FAM13A: variants seen among roughly 807,000 people sequenced by gnomAD.
FAM13A encodes protein FAM13A.
A neutral mutation model predicts 129.6 loss-of-function variants in FAM13A; 76 were observed. The observed-to-expected ratio is 0.59, with a 90% CI of 0.49 to 0.71. FAM13A has a LOEUF of 0.71. FAM13A is among the 30% of genes least tolerant of loss of function. The pLI is 0.00. For missense variants in FAM13A, 1,108 were observed against 1,249.3 expected (o/e 0.89, Z 1.70); for synonymous variants, 443 against 449.9 (o/e 0.98, Z 0.20).
intron 4 of FAM13A, among the ~76,000 whole-genome samples, chr4:88,978,912 G>T (rs995158357): frequency 3.9e-5 from 6 of 152,052 alleles, no homozygotes; most frequent in African/African-American, 1.4e-4. Flanking sequence ...TAAGCTCAGA[G>T]AAATATTTTC....
intron 2 of FAM13A, among the ~76,000 whole-genome samples, chr4:89,025,705 T>C (rs1301486176): frequency 6.6e-6 from 1 of 152,198 alleles, no homozygotes; most frequent in Non-Finnish European, 1.5e-5. Context: ...TAAAGCTCTT[T>C]ATGCAATATG....
chr4:88,967,877 T>C (rs1430012831), intron 4 of FAM13A, among the ~76,000 whole-genome samples: 1 of 152,226 alleles, frequency 6.6e-6, no homozygotes, highest in African/African-American at 2.4e-5. Flanking sequence ...TGCTTGTTTT[T>C]CCGGGTATCA....
chr4:88,886,717 G>A (rs999592346), intron 6 of FAM13A, among the ~76,000 whole-genome samples: 1 of 152,174 alleles, frequency 6.6e-6, no homozygotes, highest in South Asian at 2.1e-4. Flanking sequence ...GAACAGCCTG[G>A]CCAACATGGT....
intron 3 of FAM13A, among the ~76,000 whole-genome samples, chr4:88,997,541 ATAT>A (rs1179134566): frequency 6.8e-6 from 1 of 147,978 alleles, no homozygotes; most frequent in Non-Finnish European, 1.5e-5. Context: ...CATGTGACAA[ATAT>A]TTGCTCTCAC....
At chr4:88,869,996 A>T (rs1039648849) in intron 6 of FAM13A, among the ~76,000 whole-genome samples, 1 of 152,194 alleles carries the variant, frequency 6.6e-6, no homozygotes, top group Admixed American at 6.5e-5. Flanking sequence ...TCAAAATCCA[A>T]GATTAATTCT....
intron 2 of FAM13A, among the ~76,000 whole-genome samples, chr4:89,028,040 A>C (rs1429025794): frequency 8.0e-6 from 1 of 125,326 alleles, no homozygotes; most frequent in Non-Finnish European, 1.8e-5. Flanking sequence ...TCCCATCTCT[A>C]CTAATAATAC....
intron 1 of FAM13A, among the ~76,000 whole-genome samples, chr4:89,039,535 G>A (rs948560821): frequency 2.6e-5 from 4 of 152,144 alleles, no homozygotes; most frequent in East Asian, 3.8e-4. Context: ...AATTATGTGG[G>A]AACTTTGTAC....
chr4:88,749,646 T>G (rs904149337), intron 16 of FAM13A, 125 bp downstream of exon 16: 2 of 918,762 alleles, frequency 2.2e-6, no homozygotes, highest in African/African-American at 3.3e-5. Context: ...CAGGGTTTAC[T>G]GCCTTTTTGT....
At chr4:88,832,289 A>G (rs563886582) in intron 7 of FAM13A, among the ~76,000 whole-genome samples, 1 of 152,346 alleles carries the variant, frequency 6.6e-6, no homozygotes, top group South Asian at 2.1e-4. Flanking sequence ...AATCCCTAGA[A>G]GAAAATCTTG....
intron 19 of FAM13A, among the ~76,000 whole-genome samples, chr4:88,741,844 G>C (rs1471634732): frequency 1.3e-5 from 2 of 152,078 alleles, no homozygotes; most frequent in Non-Finnish European, 2.9e-5. Flanking sequence ...TCGTATAAGG[G>C]ATACTCAACC....
intron 7 of FAM13A, among the ~76,000 whole-genome samples, chr4:88,841,531 A>T (rs1735838187): frequency 6.6e-6 from 1 of 151,160 alleles, no homozygotes; most frequent in Non-Finnish European, 1.5e-5. Context: ...AAGACAACCC[A>T]TAGAATATGA....
At chr4:88,908,148 G>A (rs1454512923) in intron 5 of FAM13A, among the ~76,000 whole-genome samples, 2 of 152,192 alleles carry the variant, frequency 1.3e-5, no homozygotes, top group African/African-American at 2.4e-5. Context: ...CCCTAAATAA[G>A]TGTGCATTCC....
At chr4:88,783,100 C>G (rs548447834) in intron 10 of FAM13A, among the ~76,000 whole-genome samples, 1 of 152,094 alleles carries the variant, frequency 6.6e-6, no homozygotes, top group South Asian at 2.1e-4. Flanking sequence ...GTATCCATTC[C>G]ATCAGGCACT....
At chr4:88,737,425 G>A (rs1309837190) in intron 21 of FAM13A, 47 bp downstream of exon 21, 1 of 1,510,212 alleles carries the variant, frequency 6.6e-7, no homozygotes, top group East Asian at 2.3e-5. Context: ...GGAGGAGGGA[G>A]GGAACTGGTG....
Position 88,728,498 on chromosome 4 carries a change from C to T in FAM13A, c.*35G>A, listed in dbSNP as rs141659205. ...TTCTCTGGGGACAGTAAACTCTCAC[C>T]GCAGCTGCCAGCCCCCTGTGCTTGG... On this transcript the variant is annotated 3_prime_UTR_variant, in exon 24 of 24. Coordinates refer to ENST00000264344, the MANE Select transcript of FAM13A (RefSeq NM_014883.4). 3.8e-4 allele frequency: 606 copies of T among 1,613,112 alleles called. 1 individual carries two copies. The African/African-American group carries it at 6.5e-3, about 17-fold the overall frequency.
chr4:88,827,866 A>G (rs957108818), intron 7 of FAM13A, among the ~76,000 whole-genome samples: 2 of 152,144 alleles, frequency 1.3e-5, no homozygotes, highest in Non-Finnish European at 2.9e-5. Flanking sequence ...GCTCCCAACT[A>G]CCTCTTACAT....
At chr4:88,977,654 C>T (rs946973719) in intron 4 of FAM13A, among the ~76,000 whole-genome samples, 12 of 152,128 alleles carry the variant, frequency 7.9e-5, no homozygotes, top group East Asian at 3.8e-4. Flanking sequence ...AATTAGCTTG[C>T]GGAGTAATCA....
chr4:88,758,163 C>T (rs998115520), intron 14 of FAM13A, among the ~76,000 whole-genome samples: 1 of 152,084 alleles, frequency 6.6e-6, no homozygotes, highest in Non-Finnish European at 1.5e-5. Context: ...AATGTTTTCA[C>T]CAAAAGTCTC....
intron 3 of FAM13A, among the ~76,000 whole-genome samples, chr4:89,014,939 GTC>G (rs1407575763): frequency 6.6e-6 from 1 of 152,322 alleles, no homozygotes; most frequent in African/African-American, 2.4e-5. Flanking sequence ...AGCCATATTT[GTC>G]TTCTTTCGAA....
Sources: gnomAD v4.1 joint callset for allele counts (sites outside exome capture counted in the v4.1 genomes callset) on GRCh38, gnomAD v4.1.1 for gene constraint, MANE v1.5 for transcripts, NCBI Gene and HGNC (gene_info 2026-07-23, HGNC 2026-07-21) for gene names.